The following EBF2 variants were observed in gnomAD, a reference collection of about 807,000 sequenced individuals.
EBF2 encodes the protein EBF transcription factor 2.
Under a neutral mutation model 72.8 loss-of-function variants are expected in EBF2, and 21 were observed. The observed-to-expected ratio is 0.29, with a 90% CI of 0.20 to 0.42. EBF2 has a LOEUF of 0.42. Ranked by LOEUF, EBF2 falls within the 10% of genes least tolerant of loss-of-function variation. EBF2 has a pLI of 1.00. For synonymous variants in EBF2, 299 were observed against 274.2 expected (o/e 1.09, Z -0.89); for missense variants, 637 against 731.2 (o/e 0.87, Z 1.49).
intron 6 of EBF2, among the ~76,000 whole-genome samples, chr8:25,949,972 T>C (rs1265096081): frequency 6.6e-6 from 1 of 152,212 alleles, no homozygotes; most frequent in Non-Finnish European, 1.5e-5. Context: ...CCTTTAGAAA[T>C]GAAAACTGTA....
At chr8:25,972,221 G>A (rs894369856) in intron 6 of EBF2, among the ~76,000 whole-genome samples, 2 of 152,076 alleles carry the variant, frequency 1.3e-5, no homozygotes, top group African/African-American at 4.8e-5. Context: ...CAGCAATCAC[G>A]GATCACAAGG....
chr8:25,861,347 G>T lies in EBF2; in HGVS notation c.1126C>A (p.Leu376Ile). ...KEMLLKRAAD[L>I]VEALYGTPHN... ...GGTGTGCCATAAAGAGCTTCCACTA[G>T]ATCTGCAGCTCTTTTCAACAGCATC... The change falls in exon 12 of 16, where the codon CTA becomes ATA. Residue 376 changes from leucine (L) to isoleucine (I), a missense_variant. Leu to Ile is a conservative substitution (Grantham distance 5). This residue lies in a region of EBF2 where 259 missense variants were observed against 268.1 expected (regional missense o/e 0.97). Coordinates refer to ENST00000520164, the MANE Select transcript of EBF2 (RefSeq NM_022659.4). 1 of 1,614,182 alleles carries T rather than the reference G, an allele frequency of 6.2e-7. No individual in the cohort carries two copies. The highest frequency in any genetic ancestry group is 8.5e-7 in the Non-Finnish European group (1 of 1,180,030).
chr8:25,911,361 C>A (rs1803126826), intron 6 of EBF2, among the ~76,000 whole-genome samples: 1 of 152,190 alleles, frequency 6.6e-6, no homozygotes, highest in African/African-American at 2.4e-5. Flanking sequence ...CTTCTGATCC[C>A]ATTCCTTAAG....
intron 6 of EBF2, among the ~76,000 whole-genome samples, chr8:26,013,863 G>A (rs906129412): frequency 3.9e-5 from 6 of 152,140 alleles, no homozygotes; most frequent in African/African-American, 7.2e-5. Flanking sequence ...TCCAACAACT[G>A]TATCAGAGGC....
At chr8:25,952,305 C>T (rs1585206278) in intron 6 of EBF2, among the ~76,000 whole-genome samples, 1 of 152,024 alleles carries the variant, frequency 6.6e-6, no homozygotes, top group Admixed American at 6.6e-5. Context: ...GTTCACATGC[C>T]TGTTGGCCTA....
intron 6 of EBF2, among the ~76,000 whole-genome samples, chr8:25,911,900 C>A (rs1381475697): frequency 6.6e-6 from 1 of 152,142 alleles, no homozygotes; most frequent in African/African-American, 2.4e-5. Flanking sequence ...TGACGCCGTG[C>A]CCAGAGTGGG....
At chr8:25,862,944 C>A in intron 10 of EBF2, 147 bp from the exon 11 acceptor site, 5 of 362,230 alleles carry the variant, frequency 1.4e-5, no homozygotes, top group Non-Finnish European at 1.9e-5. Context: ...GGTTAATTCA[C>A]ATATAAATTT....
chr8:25,959,216 T>G (rs537954128), intron 6 of EBF2, among the ~76,000 whole-genome samples: 116 of 152,240 alleles, frequency 7.6e-4, no homozygotes, highest in African/African-American at 2.7e-3. Flanking sequence ...TTGCTTAAAG[T>G]TTTTTTGAGA....
At chr8:25,910,123 G>A (rs1257333420) in intron 6 of EBF2, among the ~76,000 whole-genome samples, 2 of 152,146 alleles carry the variant, frequency 1.3e-5, no homozygotes, top group Non-Finnish European at 2.9e-5. Flanking sequence ...CTTTCTGAAC[G>A]GCAGTAGCAT....
At position 25,893,329 on chromosome 8, in the gene EBF2, T is replaced by C. The variant is rs565548627; in HGVS notation, c.634-3460A>G. The stretch of plus-strand genomic sequence containing the variant: ...CAGCGTCTTGCTCTATCACCCAGGC[T>C]GAAGTGCAGTGCAGTGGCCTGATCT... On this transcript the variant is annotated intron_variant, in intron 7 of 15. Transcript: ENST00000520164. 1.5e-4 allele frequency among the ~76,000 whole-genome samples: 22 copies of C among 144,888 alleles called. No homozygotes were observed. In the East Asian group the frequency reaches 2.6e-3, roughly 17 times the overall value.
intron 6 of EBF2, among the ~76,000 whole-genome samples, chr8:25,931,014 G>A (rs923885062): frequency 7.9e-5 from 12 of 152,220 alleles, no homozygotes; most frequent in South Asian, 2.1e-4. Context: ...GAGTTGAAGC[G>A]AATGAAACTT....
intron 10 of EBF2, among the ~76,000 whole-genome samples, chr8:25,869,439 C>T (rs577776738): frequency 2.0e-5 from 3 of 152,262 alleles, no homozygotes; most frequent in Middle Eastern, 6.8e-3. Flanking sequence ...TCCACCAGTA[C>T]GACCCTGTGT....
chr8:25,998,335 A>G (rs755533849), intron 6 of EBF2, among the ~76,000 whole-genome samples: 1 of 152,232 alleles, frequency 6.6e-6, no homozygotes, highest in Non-Finnish European at 1.5e-5. Flanking sequence ...CAAGGATATC[A>G]GTGTCAGGAG....
chr8:25,926,915 C>T (rs988228653), intron 6 of EBF2, among the ~76,000 whole-genome samples: 1 of 152,116 alleles, frequency 6.6e-6, no homozygotes, highest in African/African-American at 2.4e-5. Flanking sequence ...TGATCTTTTC[C>T]GGGCCAGCAA....
Position 25,844,052 on chromosome 8 carries a change from T to A in EBF2, c.*557A>T, listed in dbSNP as rs1172612365. ...TAAAACATTTTAAAATTTTTCCCTT[T>A]TTTTGTTCATTTTTTAAAGAGATTA... On this transcript the variant is annotated 3_prime_UTR_variant, in exon 16 of 16. Transcript: ENST00000520164. The A allele has an allele frequency of 6.6e-6, 1 of 152,514 alleles. No homozygotes were observed. The highest frequency in any genetic ancestry group is 1.9e-4 in the East Asian group (1 of 5,202). The allele number at this position is 152,514 out of a possible 1,614,324, so 9.4% of individuals were successfully genotyped here. A position where few individuals can be genotyped will look rare whatever the true frequency, so the allele number is the denominator to read the frequency against.
intron 6 of EBF2, among the ~76,000 whole-genome samples, chr8:26,004,590 G>A (rs1471795810): frequency 7.1e-6 from 1 of 140,822 alleles, no homozygotes; most frequent in African/African-American, 2.6e-5. Flanking sequence ...CACACGAATT[G>A]TTGGAACCAG....
intron 6 of EBF2, among the ~76,000 whole-genome samples, chr8:26,014,425 C>A (rs942472330): frequency 3.3e-5 from 5 of 152,178 alleles, no homozygotes; most frequent in Admixed American, 6.5e-5. Flanking sequence ...TTCAGGTACT[C>A]CCAAGGTGGG....
intron 2 of EBF2, 72 bp downstream of exon 2, chr8:26,042,023 C>A: frequency 6.4e-7 from 1 of 1,559,854 alleles, no homozygotes; most frequent in Non-Finnish European, 8.7e-7. Flanking sequence ...GCGAGAGTGA[C>A]AGATGGAATC....
At chr8:25,945,318 G>A (rs1803749121) in intron 6 of EBF2, among the ~76,000 whole-genome samples, 3 of 152,000 alleles carry the variant, frequency 2.0e-5, no homozygotes, top group Admixed American at 6.6e-5. Context: ...TAGTACTATA[G>A]TTCAGACCAG....
Sources: gnomAD v4.1 joint callset for allele counts (sites outside exome capture counted in the v4.1 genomes callset) on GRCh38, gnomAD v4.1.1 for gene constraint, gnomAD v4.1.1 regional missense constraint, MANE v1.5 for transcripts, NCBI Gene and HGNC (gene_info 2026-07-23, HGNC 2026-07-21) for gene names.